The following PARP8 variants were observed in gnomAD, a reference collection of about 807,000 sequenced individuals.
PARP8 encodes poly(ADP-ribose) polymerase family member 8.
Under a neutral mutation model 124.1 loss-of-function variants are expected in PARP8, and 51 were observed. That is an observed-to-expected ratio of 0.41 (90% CI 0.33 to 0.52). The LOEUF is 0.52. Among genes scored for constraint, PARP8 ranks in the 20% least tolerant of loss-of-function variants. The probability of loss-of-function intolerance (pLI) is 0.21; values close to 1 mark genes in which losing one functional copy is unlikely to be tolerated. For synonymous variants in PARP8, 391 were observed against 361.5 expected (o/e 1.08, Z -0.93); for missense variants, 860 against 1,018.9 (o/e 0.84, Z 2.12).
intron 2 of PARP8, among the ~76,000 whole-genome samples, chr5:50,679,687 C>T (rs1008599607): frequency 4.6e-5 from 7 of 152,110 alleles, no homozygotes; most frequent in African/African-American, 1.7e-4. Context: ...GCAGGTGATG[C>T]AGAGGTGACA....
chr5:50,828,193 A>G (rs1228247524), intron 20 of PARP8, 119 bp from the exon 21 acceptor site: 1 of 1,164,766 alleles, frequency 8.6e-7, no homozygotes, highest in East Asian at 2.4e-5. Flanking sequence ...AGTCAACTAC[A>G]TAATACTTGA....
At chr5:50,688,269 T>C (rs1579958721) in intron 2 of PARP8, among the ~76,000 whole-genome samples, 1 of 152,138 alleles carries the variant, frequency 6.6e-6, no homozygotes, top group African/African-American at 2.4e-5. Flanking sequence ...CAGGGAACAG[T>C]TGGACTTAAG....
intron 2 of PARP8, among the ~76,000 whole-genome samples, chr5:50,737,112 T>A (rs1757547684): frequency 6.6e-6 from 1 of 152,144 alleles, no homozygotes; most frequent in Non-Finnish European, 1.5e-5. Flanking sequence ...CAAAATTTAC[T>A]AAGATTCCCA....
chr5:50,795,182 A>G lies in PARP8; in HGVS notation c.1193A>G (p.Asn398Ser), dbSNP rs1561391792. 8 of 1,614,198 alleles carry G rather than the reference A, an allele frequency of 5.0e-6. No homozygotes were observed. The highest frequency in any genetic ancestry group is 4.4e-5 in the South Asian group (4 of 91,088). ...SCSGDPRCEHNTNLKPHKLLS... is the reference protein window; with the variant it reads ...SCSGDPRCEHSTNLKPHKLLS... ...TCTGGAGATCCACGATGTGAGCACA[A>G]CACAAACTTGAAGCCCCATAAACTG... The change falls in exon 12 of 26, where the codon AAC becomes AGC. Residue 398 changes from asparagine to serine, a missense_variant. Coordinates refer to ENST00000281631, the MANE Select transcript of PARP8 (RefSeq NM_024615.4).
At chr5:50,696,830 T>C (rs1753080749) in intron 2 of PARP8, among the ~76,000 whole-genome samples, 1 of 152,162 alleles carries the variant, frequency 6.6e-6, no homozygotes, top group Non-Finnish European at 1.5e-5. Context: ...GAATTTCTTC[T>C]TTTGCAAATG....
intron 2 of PARP8, 41 bp downstream of exon 2, chr5:50,668,166 T>C (rs372771271): frequency 4.1e-5 from 62 of 1,497,398 alleles, no homozygotes; most frequent in Non-Finnish European, 5.7e-5. Flanking sequence ...CTGTTCACAC[T>C]CTTGTGTTTC....
intron 15 of PARP8, among the ~76,000 whole-genome samples, chr5:50,818,195 A>C: frequency 1.4e-5 from 2 of 138,222 alleles, no homozygotes; most frequent in South Asian, 2.7e-4. Context: ...CCCCCAAAAA[A>C]AAGAAGTCAT....
chr5:50,706,075 T>C (rs1423973295), intron 2 of PARP8, among the ~76,000 whole-genome samples: 3 of 152,200 alleles, frequency 2.0e-5, no homozygotes, highest in Non-Finnish European at 4.4e-5. Flanking sequence ...AAATTGGTTC[T>C]ATCAAATTCT....
At chr5:50,772,281 T>G (rs1381336262) in intron 7 of PARP8, among the ~76,000 whole-genome samples, 1 of 152,230 alleles carries the variant, frequency 6.6e-6, no homozygotes, top group African/African-American at 2.4e-5. Flanking sequence ...ATTCTGCATC[T>G]TGGCTGTTGT....
chr5:50,730,513 G>A (rs1342940626), intron 2 of PARP8, among the ~76,000 whole-genome samples: 1 of 152,080 alleles, frequency 6.6e-6, no homozygotes, highest in African/African-American at 2.4e-5. Context: ...CGGGTTAACC[G>A]CCTCCATGAT....
In PARP8 at chr5:50,797,009, C is replaced by G. The variant is rs139519921; in HGVS notation, c.1456C>G (p.Arg486Gly). The G allele has an allele frequency of 1.9e-6, 3 of 1,612,388 alleles. No homozygotes were observed. The highest frequency in any genetic ancestry group is 2.5e-6 in the Non-Finnish European group (3 of 1,179,194). The change falls in exon 13 of 26, where the codon CGA becomes GGA. Residue 486 changes from arginine to glycine, a missense_variant. Coordinates refer to ENST00000281631, the MANE Select transcript of PARP8 (RefSeq NM_024615.4). ...APNGAKCIPV[R>G]DRGFLVQTIE... ...AAATGGTGCAAAATGCATTCCAGTA[C>G]GAGACCGTGGCTTCCTGGTGCAGGT...
At chr5:50,802,425 C>T (rs529062112) in intron 14 of PARP8, among the ~76,000 whole-genome samples, 4 of 152,212 alleles carry the variant, frequency 2.6e-5, no homozygotes, top group Non-Finnish European at 5.9e-5. Flanking sequence ...AGTGATCTTC[C>T]TGCTTGCATC....
At chr5:50,762,914 T>G (rs1458208514) in intron 6 of PARP8, among the ~76,000 whole-genome samples, 3 of 152,224 alleles carry the variant, frequency 2.0e-5, no homozygotes, top group Non-Finnish European at 4.4e-5. Context: ...GACATTTACT[T>G]CACTAGTTTT....
intron 2 of PARP8, among the ~76,000 whole-genome samples, chr5:50,739,732 A>ATTT (rs1230937798): frequency 2.3e-5 from 1 of 44,206 alleles, no homozygotes; most frequent in African/African-American, 7.7e-5. Flanking sequence ...ATATATATAT[A>ATTT]TTTTTTTTTT....
At chr5:50,686,328 G>A (rs1278599054) in intron 2 of PARP8, among the ~76,000 whole-genome samples, 3 of 152,152 alleles carry the variant, frequency 2.0e-5, no homozygotes, top group Non-Finnish European at 1.5e-5. Context: ...GTCTCACATC[G>A]AGGTTACACT....
intron 7 of PARP8, among the ~76,000 whole-genome samples, chr5:50,770,621 G>GAAGA (rs1761515783): frequency 6.6e-6 from 1 of 151,380 alleles, no homozygotes; most frequent in Admixed American, 6.6e-5. Context: ...AGGAAGGAAG[G>GAAGA]AAGGAGGGAG....
chr5:50,782,665 ACC>A (rs1231309201), intron 9 of PARP8, among the ~76,000 whole-genome samples: 1 of 152,218 alleles, frequency 6.6e-6, no homozygotes, highest in African/African-American at 2.4e-5. Context: ...TAAAGAAGTT[ACC>A]ACCTTATTAA....
chr5:50,688,108 CA>C (rs1752075015), intron 2 of PARP8, among the ~76,000 whole-genome samples: 1 of 152,090 alleles, frequency 6.6e-6, no homozygotes, highest in Non-Finnish European at 1.5e-5. Context: ...CTTGGCTTCC[CA>C]AAGCTCTAGA....
Position 50,778,552 on chromosome 5 carries a change from T to G in PARP8, c.580-8T>G, listed in dbSNP as rs1451019239. ...TGATTAATTCATCTTTTAAATATAT[T>G]TGTGCAGGAGGAGATTGCTGTGGCT... is the stretch of plus-strand genomic sequence containing the variant. On this transcript the variant is annotated splice_polypyrimidine_tract_variant and splice_region_variant and intron_variant, in intron 8 of 25. Coordinates refer to ENST00000281631, the MANE Select transcript of PARP8 (RefSeq NM_024615.4). The G allele has an allele frequency of 4.4e-6, 7 of 1,587,398 alleles. No individual in the cohort carries two copies. The highest frequency in any genetic ancestry group is 6.0e-6 in the Non-Finnish European group (7 of 1,166,698).
Sources: allele counts gnomAD v4.1 joint callset (sites outside exome capture counted in the v4.1 genomes callset), GRCh38; gene constraint gnomAD v4.1.1; transcripts MANE v1.5; gene names NCBI Gene and HGNC (gene_info 2026-07-23, HGNC 2026-07-21).